The following CCDC179 variants were observed in gnomAD, a reference collection of about 807,000 sequenced individuals.
CCDC179 encodes coiled-coil domain containing 179.
In CCDC179, 17 loss-of-function variants were observed where a neutral mutation model predicts 12.0. That is an observed-to-expected ratio of 1.42 (90% CI 0.97 to 2.13). The LOEUF is 2.13. Ranked by LOEUF, CCDC179 falls within the 30% of genes most tolerant of loss-of-function variation. The probability of loss-of-function intolerance (pLI) is 0.00; values close to 1 mark genes in which losing one functional copy is unlikely to be tolerated. For synonymous variants in CCDC179, 27 were observed against 26.4 expected (o/e 1.02, Z -0.07); for missense variants, 83 against 78.6 (o/e 1.06, Z -0.21).
At position 22,847,276 on chromosome 11, in the gene CCDC179, A is replaced by C. The variant is rs951213782; in HGVS notation, c.*234T>G. ...TATTCATTATTATTTGTTGAAAAGC[A>C]GCAAATTTCAAGTTTACCACAGGAA... is the stretch of plus-strand genomic sequence containing the variant. On this transcript the variant is annotated 3_prime_UTR_variant, in exon 4 of 4. Coordinates refer to ENST00000532798, the MANE Select transcript of CCDC179 (RefSeq NM_001195637.2). The C allele has an allele frequency of 5.7e-6, 2 of 348,652 alleles. No individual in the cohort carries two copies. Among genetic ancestry groups the C allele is most frequent in the African/African-American group, 2.1e-5 (1 of 47,290 alleles). The allele number at this position is 348,652 out of a possible 1,614,324, so 21.6% of individuals were successfully genotyped here. A position where few individuals can be genotyped will look rare whatever the true frequency, so the allele number is the denominator to read the frequency against.
chr11:22,850,957 TATATATATATATA>T (rs1858368845), intron 3 of CCDC179, among the ~76,000 whole-genome samples: 2 of 10,436 alleles, frequency 1.9e-4, no homozygotes, highest in Non-Finnish European at 6.9e-4. Flanking sequence ...TATATATATA[TATATATATATATA>T]TATATATTTT....
intron 3 of CCDC179, among the ~76,000 whole-genome samples, chr11:22,855,127 T>C (rs1858503883): frequency 6.6e-6 from 1 of 151,720 alleles, no homozygotes. Context: ...GTCAATTCTT[T>C]CTAACAGTAA....
chr11:22,847,583 T>G, intron 3 of CCDC179, 62 bp from the exon 4 acceptor site: 1 of 827,956 alleles, frequency 1.2e-6, no homozygotes, highest in South Asian at 2.5e-5. Flanking sequence ...TAAGGAAAGA[T>G]TAGATATACT....
In CCDC179 at chr11:22,847,322, G is replaced by C; in HGVS notation, c.*188C>G. On this transcript the variant is annotated 3_prime_UTR_variant, in exon 4 of 4. Coordinates refer to ENST00000532798, the MANE Select transcript of CCDC179 (RefSeq NM_001195637.2). Reference sequence around the variant, plus strand: ...AGGAAAGAAAAATATGGTAGTGAGAGATGGCATTTAATAAAATTCTAGAGC... The same window carrying C: ...AGGAAAGAAAAATATGGTAGTGAGACATGGCATTTAATAAAATTCTAGAGC... 2.6e-6 allele frequency: 1 copy of C among 380,650 alleles called. No individual in the cohort carries two copies. Among genetic ancestry groups the C allele is most frequent in the Non-Finnish European group, 4.6e-6 (1 of 216,742 alleles). 23.6% of individuals were successfully genotyped at this position (380,650 alleles called of 1,614,324 possible).
Position 22,847,243 on chromosome 11 carries a change from C to T in CCDC179, c.*267G>A, listed in dbSNP as rs1662102823. On this transcript the variant is annotated 3_prime_UTR_variant, in exon 4 of 4. Coordinates refer to ENST00000532798, the MANE Select transcript of CCDC179 (RefSeq NM_001195637.2). ...GAGAATAATATTTTTCAAAAGTCTA[C>T]CTATACATATTCATTATTATTTGTT... 3.4e-6 allele frequency: 1 copy of T among 297,044 alleles called. No individual in the cohort carries two copies. Among genetic ancestry groups the T allele is most frequent in the African/African-American group, 2.2e-5 (1 of 46,044 alleles). 18.4% of individuals were successfully genotyped at this position (297,044 alleles called of 1,614,324 possible).
In CCDC179 at chr11:22,860,465, TGGACCAA is replaced by T. The variant is rs1183283253; in HGVS notation, c.-51_-45del. ...GCCCCCTGACGCCTACTGCCTGTCCTGGACCAAATGATTATGGGGCCCCACACCCACA... is the reference window on the plus strand; with the variant it reads ...GCCCCCTGACGCCTACTGCCTGTCCTATGATTATGGGGCCCCACACCCACA... On this transcript the variant is annotated 5_prime_UTR_variant, in exon 1 of 4. Transcript: ENST00000532798. The T allele has an allele frequency of 1.3e-6, 2 of 1,514,554 alleles. No individual in the cohort carries two copies. The highest frequency in any genetic ancestry group is 8.8e-7 in the Non-Finnish European group (1 of 1,136,434). The allele number at this position is 1,514,554 out of a possible 1,614,324, so 93.8% of individuals were successfully genotyped here. A position where few individuals can be genotyped will look rare whatever the true frequency, so the allele number is the denominator to read the frequency against.
At chr11:22,850,582 C>G (rs948572606) in intron 3 of CCDC179, among the ~76,000 whole-genome samples, 3 of 145,922 alleles carry the variant, frequency 2.1e-5, no homozygotes, top group African/African-American at 7.9e-5. Flanking sequence ...AATATAACAA[C>G]TTATTTCCCT....
At chr11:22,856,009 C>A (rs1455743847) in intron 3 of CCDC179, among the ~76,000 whole-genome samples, 1 of 151,256 alleles carries the variant, frequency 6.6e-6, no homozygotes. Context: ...AGGTTATTAT[C>A]TATTTAAAAA....
At chr11:22,853,327 A>G (rs1256607092) in intron 3 of CCDC179, among the ~76,000 whole-genome samples, 1 of 152,208 alleles carries the variant, frequency 6.6e-6, no homozygotes, top group Non-Finnish European at 1.5e-5. Flanking sequence ...TCAGACTTGG[A>G]ACTTACAATA....
At position 22,859,827 on chromosome 11, in the gene CCDC179, A is replaced by G. The variant is rs1349777185; in HGVS notation, c.46-331T>C. ...TCGAAAAATGCATGTTTCTGCTTCT[A>G]CAGGACTTCAGTGGTGCTATTGAGC... On this transcript the variant is annotated intron_variant, in intron 1 of 3. Transcript: ENST00000532798. Among the ~76,000 whole-genome samples the G allele has an allele frequency of 5.9e-5, 9 of 152,264 alleles. No homozygotes were observed. In the South Asian group the frequency reaches 1.0e-3, roughly 18 times the overall value.
intron 3 of CCDC179, among the ~76,000 whole-genome samples, chr11:22,852,774 T>C (rs1858437843): frequency 6.6e-6 from 1 of 152,224 alleles, no homozygotes; most frequent in Admixed American, 6.5e-5. Flanking sequence ...GTGTCCTGTT[T>C]AGCTGGCTCT....
At chr11:22,860,331 C>T (rs1252180626) in intron 1 of CCDC179, 46 bp downstream of exon 1, 5 of 1,529,792 alleles carry the variant, frequency 3.3e-6, no homozygotes, top group Admixed American at 2.0e-5. Context: ...GCTCAAGGCA[C>T]AGGACAGAGT....
At chr11:22,858,653 C>T (rs1411360780) in intron 2 of CCDC179, among the ~76,000 whole-genome samples, 1 of 151,998 alleles carries the variant, frequency 6.6e-6, no homozygotes, top group Non-Finnish European at 1.5e-5. Context: ...GCTTTGAAAA[C>T]AGTGTGGCAC....
At chr11:22,855,541 T>C (rs1858512906) in intron 3 of CCDC179, among the ~76,000 whole-genome samples, 4 of 151,556 alleles carry the variant, frequency 2.6e-5, no homozygotes, top group Admixed American at 2.6e-4. Context: ...TTATGGGATA[T>C]AGTGAAAGTG....
chr11:22,853,420 T>A (rs1361368293), intron 3 of CCDC179, among the ~76,000 whole-genome samples: 1 of 151,806 alleles, frequency 6.6e-6, no homozygotes, highest in Non-Finnish European at 1.5e-5. Flanking sequence ...AAATGGAAAA[T>A]CTAAGAAGAA....
intron 3 of CCDC179, 73 bp downstream of exon 3, chr11:22,857,849 A>G (rs879763173): frequency 2.2e-5 from 16 of 724,134 alleles, no homozygotes; most frequent in Non-Finnish European, 3.3e-5. Flanking sequence ...TATAGTGAAT[A>G]TTACATGAAT....
intron 3 of CCDC179, among the ~76,000 whole-genome samples, chr11:22,853,006 G>A (rs950736348): frequency 9.9e-5 from 15 of 152,148 alleles, no homozygotes; most frequent in Admixed American, 6.5e-5. Context: ...AAAATTGCAA[G>A]CTTCAGATAT....
chr11:22,855,365 G>A (rs932711398), intron 3 of CCDC179, among the ~76,000 whole-genome samples: 14 of 151,634 alleles, frequency 9.2e-5, no homozygotes, highest in South Asian at 6.2e-4. Context: ...TCAGACCACA[G>A]TGGAGTTAAA....
At chr11:22,849,066 A>G (rs1468818111) in intron 3 of CCDC179, among the ~76,000 whole-genome samples, 1 of 152,242 alleles carries the variant, frequency 6.6e-6, no homozygotes, top group African/African-American at 2.4e-5. Context: ...TGGTCAATAT[A>G]TAGAAGAAAA....
Sources: allele counts gnomAD v4.1 joint callset (sites outside exome capture counted in the v4.1 genomes callset), GRCh38; gene constraint gnomAD v4.1.1; transcripts MANE v1.5; gene names NCBI Gene and HGNC (gene_info 2026-07-23, HGNC 2026-07-21).